Variants in FBN1 observed in about 807,000 individuals in gnomAD.
FBN1 encodes fibrillin-1.
In FBN1, 29 loss-of-function variants were observed where a neutral mutation model predicts 365.1. That is an observed-to-expected ratio of 0.08 (90% confidence interval 0.06 to 0.11). FBN1 has a LOEUF of 0.11. Ranked by LOEUF, FBN1 falls within the 10% of genes least tolerant of loss-of-function variation. The pLI, the probability that FBN1 is intolerant of heterozygous loss-of-function variation, is 1.00. For missense variants in FBN1, 2,476 were observed against 3,703.2 expected (o/e 0.67, Z 8.60); for synonymous variants, 1,210 against 1,270.5 (o/e 0.95, Z 1.01).
At chr15:48,466,263 C>T (rs913942113) in intron 38 of FBN1, among the ~76,000 whole-genome samples, 5 of 152,196 alleles carry the variant, frequency 3.3e-5, no homozygotes, top group Admixed American at 6.5e-5. Context: ...TCTTAATTGG[C>T]TTCTTTCCAA....
At position 48,516,214 on chromosome 15, in the gene FBN1, C is replaced by A. The variant is rs777926611; in HGVS notation, c.1296G>T (p.Val432=). Reference sequence around the variant, plus strand: ...GCTCCCGAGATGGATACAGATATTCCACTGGTGGTCGAGGGACCGGAATTT... The same window carrying A: ...GCTCCCGAGATGGATACAGATATTCAACTGGTGGTCGAGGGACCGGAATTT... ...GPQIPVPRPP[V]EYLYPSREPP... Residue 432 remains valine (V), a synonymous_variant, in exon 11 of 66, where the codon GTG becomes GTT. Transcript: ENST00000316623. 3.1e-6 allele frequency: 5 copies of A among 1,613,474 alleles called. No homozygotes were observed. In the South Asian group the frequency reaches 5.5e-5, roughly 18 times the overall value.
rs3833018 is a variant in FBN1, at chr15:48,463,253, T to TAA, written c.5066-15_5066-14dup. 1.6e-5 allele frequency: 26 copies of TAA among 1,609,792 alleles called. No homozygotes were observed. The Middle Eastern group carries it at 1.3e-3, about 82-fold the overall frequency. ...CTTCTTCTCATATCTAGAAGGGAGGTAAAAAAAAGGATTGGAGGGTTGGTG... is the reference window on the plus strand; with the variant it reads ...CTTCTTCTCATATCTAGAAGGGAGGTAAAAAAAAAAGGATTGGAGGGTTGGTG... On this transcript the variant is annotated splice_polypyrimidine_tract_variant and intron_variant, in intron 41 of 65. Transcript: ENST00000316623.
chr15:48,588,760 C>T (rs2044454508), intron 6 of FBN1, among the ~76,000 whole-genome samples: 1 of 152,106 alleles, frequency 6.6e-6, no homozygotes, highest in South Asian at 2.1e-4. Flanking sequence ...TGATGGGAAG[C>T]GGGTTACTCT....
At chr15:48,544,979 A>C (rs1204545752) in intron 6 of FBN1, among the ~76,000 whole-genome samples, 2 of 152,252 alleles carry the variant, frequency 1.3e-5, no homozygotes, top group African/African-American at 4.8e-5. Context: ...ACTTTAAAGA[A>C]CCAGTTGGCT....
chr15:48,476,314 C>T (rs1333174363), intron 32 of FBN1, among the ~76,000 whole-genome samples: 1 of 152,166 alleles, frequency 6.6e-6, no homozygotes, highest in Admixed American at 6.5e-5. Context: ...CTAAATTTCT[C>T]TCCTATATTT....
rs557894305 is a variant in FBN1 at position 48,514,888 on chromosome 15, G to T, written c.1468+499C>A. Among the ~76,000 whole-genome samples, 127 of 152,266 alleles carry T rather than the reference G, an allele frequency of 8.3e-4. 1 individual carries two copies. The highest frequency in any genetic ancestry group is 2.7e-3 in the African/African-American group (113 of 41,558). Reference sequence around the variant, plus strand: ...CATGTCTTAATTCCCAGAACCTATGGATATGTTTAGCTAGCAAAGGAGAAT... The same window carrying T: ...CATGTCTTAATTCCCAGAACCTATGTATATGTTTAGCTAGCAAAGGAGAAT... On this transcript the variant is annotated intron_variant, in intron 12 of 65. Coordinates refer to ENST00000316623, the MANE Select transcript of FBN1 (RefSeq NM_000138.5).
chr15:48,465,273 GGCTTTTCT>G (rs2043311292), intron 40 of FBN1, among the ~76,000 whole-genome samples: 1 of 152,180 alleles, frequency 6.6e-6, no homozygotes, highest in Non-Finnish European at 1.5e-5. Context: ...TGTAAAAAAT[GGCTTTTCT>G]GAAGAGCATG....
intron 8 of FBN1, among the ~76,000 whole-genome samples, chr15:48,527,556 C>A (rs979627967): frequency 6.6e-6 from 1 of 152,136 alleles, no homozygotes; most frequent in African/African-American, 2.4e-5. Context: ...GCTTACAACC[C>A]CCAATAAGAA....
chr15:48,537,959 G>C (rs1267529710), intron 6 of FBN1, 151 bp from the exon 7 acceptor site: 1 of 818,314 alleles, frequency 1.2e-6, no homozygotes, highest in South Asian at 1.5e-5. Flanking sequence ...TAAGGCCTTG[G>C]ATAGACCATT....
chr15:48,487,141 T>A lies in FBN1; in HGVS notation c.3523A>T (p.Ile1175Leu). The A allele has an allele frequency of 6.2e-7, 1 of 1,613,754 alleles. No individual in the cohort carries two copies. The highest frequency in any genetic ancestry group is 8.5e-7 in the Non-Finnish European group (1 of 1,179,644). The change falls in exon 29 of 66, where the codon ATA becomes TTA. Residue 1175 changes from isoleucine to leucine, a missense_variant. Transcript: ENST00000316623. ...LCPNGRCVNL[I>L]GKYQCACNPG... Reference sequence around the variant, plus strand: ...TTGCAGGCACACTGATACTTCCCTATGAGGTTCACGCAACGGCCATTGGGG... The same window carrying A: ...TTGCAGGCACACTGATACTTCCCTAAGAGGTTCACGCAACGGCCATTGGGG...
intron 6 of FBN1, among the ~76,000 whole-genome samples, chr15:48,559,766 G>C (rs2044209879): frequency 6.6e-6 from 1 of 152,182 alleles, no homozygotes; most frequent in African/African-American, 2.4e-5. Flanking sequence ...TAGGACGATA[G>C]AGGAAAGTTT....
At position 48,494,266 on chromosome 15, in the gene FBN1, A is replaced by G. The variant is rs200368037; in HGVS notation, c.2678-12T>C. On this transcript the variant is annotated splice_polypyrimidine_tract_variant and intron_variant, in intron 22 of 65. Coordinates refer to ENST00000316623, the MANE Select transcript of FBN1 (RefSeq NM_000138.5). ...ACCACATATGGGATCTGTAATAAAA[A>G]GCGAAAAACAAAACAGAAAACAAAT... 3.4e-4 allele frequency: 550 copies of G among 1,610,384 alleles called. 3 individuals are homozygous for G. The East Asian group carries it at 0.011, about 33-fold the overall frequency.
At chr15:48,453,125 G>A (rs2725550) in intron 44 of FBN1, among the ~76,000 whole-genome samples, 99,447 of 151,724 alleles carry the variant, frequency 0.66, 33,960 homozygotes, top group Middle Eastern at 0.77. Context: ...GCATGGTGGC[G>A]GGCACCTGCA....
intron 6 of FBN1, among the ~76,000 whole-genome samples, chr15:48,550,728 G>A (rs2044134534): frequency 6.6e-6 from 1 of 151,944 alleles, no homozygotes; most frequent in Admixed American, 6.6e-5. Flanking sequence ...TCCTCTACCT[G>A]GAATGCCTTT....
chr15:48,567,256 C>A (rs1466954495), intron 6 of FBN1, among the ~76,000 whole-genome samples: 1 of 152,098 alleles, frequency 6.6e-6, no homozygotes, highest in Non-Finnish European at 1.5e-5. Flanking sequence ...GAATATAATT[C>A]ATCAGTGGGG....
chr15:48,527,705 A>C (rs1331095881), intron 8 of FBN1, among the ~76,000 whole-genome samples: 1 of 152,264 alleles, frequency 6.6e-6, no homozygotes, highest in African/African-American at 2.4e-5. Context: ...CATGCAGTTT[A>C]ACCTTTTTAA....
intron 50 of FBN1, among the ~76,000 whole-genome samples, chr15:48,441,201 A>G (rs2043112034): frequency 6.6e-6 from 1 of 152,232 alleles, no homozygotes; most frequent in African/African-American, 2.4e-5. Flanking sequence ...GTTGACAAGT[A>G]TTATTCCTAA....
At chr15:48,425,553 C>T in intron 59 of FBN1, 62 bp from the exon 60 acceptor site, 2 of 1,608,902 alleles carry the variant, frequency 1.2e-6, no homozygotes, top group Non-Finnish European at 1.7e-6. Flanking sequence ...CGCTCAATTT[C>T]CACAGGGTCT....
intron 2 of FBN1, among the ~76,000 whole-genome samples, chr15:48,627,021 C>T (rs1010305192): frequency 1.2e-4 from 18 of 152,130 alleles, no homozygotes; most frequent in African/African-American, 3.4e-4. Flanking sequence ...ACAATGGAAA[C>T]GTCATAAATC....
Sources: gnomAD v4.1 joint callset for allele counts (sites outside exome capture counted in the v4.1 genomes callset) on GRCh38, gnomAD v4.1.1 for gene constraint, MANE v1.5 for transcripts, NCBI Gene and HGNC (gene_info 2026-07-23, HGNC 2026-07-21) for gene names.